The following BDKRB2 variants were observed in gnomAD, a reference collection of about 807,000 sequenced individuals.
The protein encoded by BDKRB2 is B2 bradykinin receptor.
In BDKRB2, 6 loss-of-function variants were observed where a neutral mutation model predicts 4.0. The observed-to-expected ratio is 1.49, with a 90% CI of 0.81 to 2.93. The LOEUF (loss-of-function observed/expected upper bound fraction) is 2.93, where lower values mean the gene tolerates loss of function less well. Among genes scored for constraint, BDKRB2 ranks in the 30% most tolerant of loss-of-function variants. The pLI, the probability that BDKRB2 is intolerant of heterozygous loss-of-function variation, is 0.00. For missense variants in BDKRB2, 478 were observed against 520.1 expected, an observed-to-expected ratio of 0.92 and a Z score of 0.79; for synonymous variants, 225 against 215.3, an observed-to-expected ratio of 1.05 and a Z score of -0.40.
Position 96,239,599 on chromosome 14 carries a change from T to C in BDKRB2, c.75-804T>C, listed in dbSNP as rs1340273929. The C allele has an allele frequency of 3.0e-6, 3 of 984,286 alleles. No individual in the cohort carries two copies. The East Asian group carries it at 3.4e-4, about 112-fold the overall frequency. The allele number at this position is 984,286 out of a possible 1,614,324, so 61.0% of individuals were successfully genotyped here. On this transcript the variant is annotated intron_variant, in intron 2 of 2. Coordinates refer to ENST00000554311, the MANE Select transcript of BDKRB2 (RefSeq NM_001379692.1). ...TTGCAAGAATTGTTAATTACTAATG[T>C]TTATTGAGCCTAGTGCAGTGCTTGG...
At chr14:96,223,358 C>T in intron 1 of BDKRB2, 1 of 943,954 alleles carries the variant, frequency 1.1e-6, no homozygotes, top group South Asian at 1.3e-5. Flanking sequence ...AGCTGGCGAG[C>T]TACTTTTCAG....
chr14:96,231,428 A>G (rs1890816404), intron 1 of BDKRB2, among the ~76,000 whole-genome samples: 1 of 152,116 alleles, frequency 6.6e-6, no homozygotes, highest in Non-Finnish European at 1.5e-5. Flanking sequence ...GACTCTTGGA[A>G]ACCCTGCTGA....
intron 1 of BDKRB2, among the ~76,000 whole-genome samples, chr14:96,209,266 G>A (rs1386102606): frequency 1.3e-5 from 2 of 152,192 alleles, no homozygotes; most frequent in Non-Finnish European, 1.5e-5. Flanking sequence ...GACATTTATC[G>A]AGAGTTTGAG....
rs180980720 is a variant in BDKRB2 at position 96,230,915 on chromosome 14, C to G, written c.-39-6154C>G. 8.2e-3 allele frequency among the ~76,000 whole-genome samples: 1,240 copies of G among 151,996 alleles called. 11 individuals carry two copies. The highest frequency in any genetic ancestry group is 0.014 in the Non-Finnish European group (920 of 68,002). On this transcript the variant is annotated intron_variant, in intron 1 of 2. Coordinates refer to ENST00000554311, the MANE Select transcript of BDKRB2 (RefSeq NM_001379692.1). ...ACAGGCGTGAGCCACAGCACCCAGC[C>G]TAGTTATTTATTTATTTATTTTTTT...
chr14:96,241,829 C>T lies in BDKRB2; in HGVS notation c.*325C>T, dbSNP rs1885301842. On this transcript the variant is annotated 3_prime_UTR_variant, in exon 3 of 3. Transcript: ENST00000554311. ...GCAGGGAGAGGAGTGACTGAGCTTC[C>T]CTCCCGTGTGTTCTCCGTCCCTGCC... 1 of 234,980 alleles carries T rather than the reference C, an allele frequency of 4.3e-6. No homozygotes were observed. The highest frequency in any genetic ancestry group is 1.4e-4 in the South Asian group (1 of 6,948). The allele number at this position is 234,980 out of a possible 1,614,324, so 14.6% of individuals were successfully genotyped here.
At chr14:96,211,978 G>A (rs575960526) in intron 1 of BDKRB2, among the ~76,000 whole-genome samples, 285 of 152,268 alleles carry the variant, frequency 1.9e-3, no homozygotes, top group African/African-American at 6.4e-3. Flanking sequence ...TTCTGCAGGC[G>A]TCCTTATACA....
At chr14:96,233,550 C>T (rs1484159387) in intron 1 of BDKRB2, 1 of 152,214 alleles carries the variant, frequency 6.6e-6, no homozygotes, top group Non-Finnish European at 1.5e-5. Flanking sequence ...TCTGCGCCTG[C>T]TGTTTCTTGG....
intron 2 of BDKRB2, chr14:96,238,979 G>A (rs539313534): frequency 1.5e-5 from 15 of 985,524 alleles, no homozygotes; most frequent in East Asian, 2.3e-4. Flanking sequence ...GCATTGATTT[G>A]TGGGTCCCCC....
chr14:96,216,329 C>G (rs11851261), intron 1 of BDKRB2, among the ~76,000 whole-genome samples: 2,908 of 152,098 alleles, frequency 0.019, 88 homozygotes, highest in African/African-American at 0.066. Context: ...TCTGTACCTC[C>G]CACCTCCCCG....
intron 1 of BDKRB2, chr14:96,210,932 TG>T: frequency 6.6e-6 from 1 of 152,510 alleles, no homozygotes; most frequent in Non-Finnish European, 1.5e-5. Context: ...CCAAAAAACT[TG>T]GGGACCCCAA....
intron 1 of BDKRB2, among the ~76,000 whole-genome samples, chr14:96,234,976 G>C (rs1461497439): frequency 6.6e-6 from 1 of 152,198 alleles, no homozygotes; most frequent in African/African-American, 2.4e-5. Flanking sequence ...AGAGGACAGG[G>C]GAGGCTGGTC....
intron 1 of BDKRB2, among the ~76,000 whole-genome samples, chr14:96,210,008 A>C (rs1442662593): frequency 7.0e-6 from 1 of 141,884 alleles, no homozygotes; most frequent in African/African-American, 2.8e-5. Flanking sequence ...AATAATAATA[A>C]TAATAATAAT....
chr14:96,240,324 C>G (rs1336600934), intron 2 of BDKRB2, 79 bp from the exon 3 acceptor site: 1 of 1,387,988 alleles, frequency 7.2e-7, no homozygotes, highest in Non-Finnish European at 9.4e-7. Flanking sequence ...TGTCCTTAAC[C>G]CCTGTCTCCT....
intron 1 of BDKRB2, among the ~76,000 whole-genome samples, chr14:96,230,403 T>C (rs28718106): frequency 0.027 from 4,182 of 152,264 alleles, 161 homozygotes; most frequent in African/African-American, 0.088. Flanking sequence ...TCTTTTATTT[T>C]TATGTTTTTG....
chr14:96,237,793 C>T (rs781481071), intron 2 of BDKRB2: 75 of 1,289,658 alleles, frequency 5.8e-5, no homozygotes, highest in South Asian at 9.9e-5. Context: ...TTTCCAATTC[C>T]GCACTCAGCA....
intron 1 of BDKRB2, among the ~76,000 whole-genome samples, chr14:96,217,640 C>T (rs1316272301): frequency 6.6e-6 from 1 of 152,184 alleles, no homozygotes; most frequent in Non-Finnish European, 1.5e-5. Flanking sequence ...AGCCCAGGTT[C>T]AGAGAGGTGA....
chr14:96,208,708 G>A (rs1306919279), intron 1 of BDKRB2, among the ~76,000 whole-genome samples: 1 of 152,178 alleles, frequency 6.6e-6, no homozygotes, highest in Non-Finnish European at 1.5e-5. Flanking sequence ...TGTCCGACAT[G>A]CACACACTCC....
rs535011755 is a variant in BDKRB2 at position 96,238,928 on chromosome 14, C to T, written c.75-1475C>T. The T allele has an allele frequency of 3.4e-5, 34 of 985,560 alleles. No homozygotes were observed. The South Asian group carries it at 1.3e-3, about 37-fold the overall frequency. The allele number at this position is 985,560 out of a possible 1,614,324, so 61.1% of individuals were successfully genotyped here. ...GTGTTCTTGCACTCAGGGCAGAGCTCAGCACAGAGCAGACGCTCAAAAAAC... is the reference window on the plus strand; with the variant it reads ...GTGTTCTTGCACTCAGGGCAGAGCTTAGCACAGAGCAGACGCTCAAAAAAC... On this transcript the variant is annotated intron_variant, in intron 2 of 2. Coordinates refer to ENST00000554311, the MANE Select transcript of BDKRB2 (RefSeq NM_001379692.1).
At chr14:96,217,538 C>T (rs926897325) in intron 1 of BDKRB2, among the ~76,000 whole-genome samples, 1 of 152,260 alleles carries the variant, frequency 6.6e-6, no homozygotes. Flanking sequence ...CAGATGGACG[C>T]TGGCTCCATG....
Sources: allele counts gnomAD v4.1 joint callset (sites outside exome capture counted in the v4.1 genomes callset), GRCh38; gene constraint gnomAD v4.1.1; transcripts MANE v1.5; gene names NCBI Gene and HGNC (gene_info 2026-07-23, HGNC 2026-07-21).